The following SLC33A1 variants were observed in gnomAD, a reference collection of about 807,000 sequenced individuals.
SLC33A1 encodes the protein solute carrier family 33 member 1, also known as acetyl-coenzyme A transporter 1.
Under a neutral mutation model 50.0 loss-of-function variants are expected in SLC33A1, and 20 were observed. The ratio of observed to expected loss-of-function variants is 0.40; its 90% CI spans 0.28 to 0.58. The LOEUF (loss-of-function observed/expected upper bound fraction) is 0.58, where lower values mean the gene tolerates loss of function less well. Among genes scored for constraint, SLC33A1 ranks in the 20% least tolerant of loss-of-function variants. The pLI, the probability that SLC33A1 is intolerant of heterozygous loss-of-function variation, is 0.44. For missense variants in SLC33A1, 476 were observed against 657.0 expected (o/e 0.72, Z 3.01); for synonymous variants, 265 against 251.8 (o/e 1.05, Z -0.50).
chr3:155,828,293 C>A lies in SLC33A1; in HGVS notation c.1567G>T (p.Gly523Cys). Residue 523 changes from glycine (G) to cysteine (C), a missense_variant, in exon 6 of 6, where the codon GGT becomes TGT. By Grantham distance (159) the Gly-to-Cys change is radical. Transcript: ENST00000643144. ...TTTGGACCAAGAAAGAACCACCAAC[C>A]AAATCCAATGAAAACACAAATAATG... ...ESIICVFIGF[G>C]WWFFLGPKFK... 6 of 1,607,582 alleles carry A rather than the reference C, an allele frequency of 3.7e-6. No individual in the cohort carries two copies. Among genetic ancestry groups the A allele is most frequent in the Non-Finnish European group, 5.1e-6 (6 of 1,174,216 alleles).
intron 2 of SLC33A1, among the ~76,000 whole-genome samples, chr3:155,841,428 G>A (rs1752933390): frequency 6.6e-6 from 1 of 152,006 alleles, no homozygotes. Context: ...CTTCAAAACT[G>A]TCAAAAGATA....
rs1752101596 is a variant in SLC33A1, at chr3:155,822,052, T to A, written c.*6158A>T. On this transcript the variant is annotated 3_prime_UTR_variant, in exon 6 of 6. Coordinates refer to ENST00000643144, the MANE Select transcript of SLC33A1 (RefSeq NM_004733.4). ...CCTCCCAAACTAATGGGACTACAGG[T>A]GTAAGCCAACACACCTGGTTCAAAT... 6.6e-6 allele frequency: 1 copy of A among 152,016 alleles called. No individual in the cohort carries two copies. Among genetic ancestry groups the A allele is most frequent in the Non-Finnish European group, 1.5e-5 (1 of 68,008 alleles). The allele number at this position is 152,016 out of a possible 1,614,324, so 9.4% of individuals were successfully genotyped here.
intron 1 of SLC33A1, among the ~76,000 whole-genome samples, chr3:155,849,942 TAATAATAATAATAAC>T (rs1239054025): frequency 7.6e-5 from 10 of 131,240 alleles, no homozygotes; most frequent in African/African-American, 2.8e-4. Context: ...ATAATAATAA[TAATAATAATAATAAC>T]AATTCACTGC....
chr3:155,830,954 T>G (rs937395372), intron 4 of SLC33A1, among the ~76,000 whole-genome samples: 5 of 152,088 alleles, frequency 3.3e-5, no homozygotes, highest in Non-Finnish European at 7.4e-5. Flanking sequence ...GAATAGTGTT[T>G]TTGGGGGTGT....
chr3:155,833,475 A>G lies in SLC33A1; in HGVS notation c.1259T>C (p.Leu420Ser). The G allele has an allele frequency of 2.7e-6, 4 of 1,487,784 alleles. No individual in the cohort carries two copies. Among genetic ancestry groups the G allele is most frequent in the Non-Finnish European group, 3.8e-6 (4 of 1,064,756 alleles). The allele number at this position is 1,487,784 out of a possible 1,614,324, so 92.2% of individuals were successfully genotyped here. The stretch of plus-strand genomic sequence containing the variant: ...AAACCACTGCAAGCTTACCTGATGT[A>G]AAGCATAACTCAGCAGGACTACGAT... ...YYIVVLLSYA[L>S]HQVTVYSMYV... The change falls in exon 4 of 6, where the codon TTA becomes TCA. Residue 420 changes from leucine to serine, a missense_variant. Transcript: ENST00000643144.
At chr3:155,852,554 G>A (rs144825253) in intron 1 of SLC33A1, among the ~76,000 whole-genome samples, 1 of 152,286 alleles carries the variant, frequency 6.6e-6, no homozygotes, top group East Asian at 1.9e-4. Flanking sequence ...CTGCCTCAGT[G>A]CACTTTTACT....
rs374301753 is a variant in SLC33A1 at position 155,835,939 on chromosome 3, A to C, written c.964-1898T>G. Among the ~76,000 whole-genome samples the C allele has an allele frequency of 2.6e-5, 4 of 152,054 alleles. No individual in the cohort carries two copies. The East Asian group carries it at 7.7e-4, about 29-fold the overall frequency. On this transcript the variant is annotated intron_variant, in intron 2 of 5. Coordinates refer to ENST00000643144, the MANE Select transcript of SLC33A1 (RefSeq NM_004733.4). The stretch of plus-strand genomic sequence containing the variant: ...GGCTGTGAGACAGCAAACCTCAGGT[A>C]CTACCCTAGACCACAAGGCCACTTC...
Position 155,828,185 on chromosome 3 carries a change from G to T in SLC33A1, c.*25C>A, listed in dbSNP as rs940889994. 14 of 1,534,424 alleles carry T rather than the reference G, an allele frequency of 9.1e-6. No homozygotes were observed. The highest frequency in any genetic ancestry group is 1.3e-5 in the Non-Finnish European group (14 of 1,107,722). On this transcript the variant is annotated 3_prime_UTR_variant, in exon 6 of 6. Transcript: ENST00000643144. The stretch of plus-strand genomic sequence containing the variant: ...ATTAAAACTAAACTACAATTACCTT[G>T]CTAGAATGTCCAGTAGCATATATAT...
chr3:155,853,850 C>A lies in SLC33A1; in HGVS notation c.148G>T (p.Glu50Ter), dbSNP rs1382968940. 6.3e-7 allele frequency: 1 copy of A among 1,593,934 alleles called. No homozygotes were observed. Among genetic ancestry groups the A allele is most frequent in the Non-Finnish European group, 8.6e-7 (1 of 1,169,476 alleles). ...GTGCCGGTATCCCCCAGAAGAGCTT[C>A]TCTGTCCCCTTCCCGGCCCGCTGAG... is the stretch of plus-strand genomic sequence containing the variant. ...LDSAGREGDR[E>*]ALLGDTGTGD... Residue 50 changes from glutamate (E) to a stop codon, truncating the protein, a stop_gained, in exon 1 of 6, where the codon GAA (glutamate) becomes TAA (stop). Coordinates refer to ENST00000643144, the MANE Select transcript of SLC33A1 (RefSeq NM_004733.4). LOFTEE classifies it high-confidence loss of function.
At chr3:155,847,676 A>G (rs1372081593) in intron 1 of SLC33A1, among the ~76,000 whole-genome samples, 1 of 151,920 alleles carries the variant, frequency 6.6e-6, no homozygotes, top group African/African-American at 2.4e-5. Flanking sequence ...TGAACCTGGG[A>G]GGCAGAAGTT....
Position 155,830,304 on chromosome 3 carries a change from C to T in SLC33A1, c.1267-401G>A, listed in dbSNP as rs150967566. Among the ~76,000 whole-genome samples the T allele has an allele frequency of 6.9e-3, 1,043 of 151,606 alleles. 19 individuals carry two copies. The highest frequency in any genetic ancestry group is 0.024 in the African/African-American group (983 of 41,378). ...AGGAGAATGGCGTGAACCCGGGAGG[C>T]GGAGCTTGCAGTGAGCTGAGATCGC... On this transcript the variant is annotated intron_variant, in intron 4 of 5. Coordinates refer to ENST00000643144, the MANE Select transcript of SLC33A1 (RefSeq NM_004733.4).
rs1002539450 is a variant in SLC33A1, at chr3:155,825,083, A to AT, written c.*3126dup. 1.2e-4 allele frequency: 18 copies of AT among 152,134 alleles called. No homozygotes were observed. Among genetic ancestry groups the AT allele is most frequent in the African/African-American group, 4.1e-4 (17 of 41,524 alleles). 9.4% of individuals were successfully genotyped at this position (152,134 alleles called of 1,614,324 possible). On this transcript the variant is annotated 3_prime_UTR_variant, in exon 6 of 6. Coordinates refer to ENST00000643144, the MANE Select transcript of SLC33A1 (RefSeq NM_004733.4). The stretch of plus-strand genomic sequence containing the variant: ...GACCCCACCTCTATAAAAAATTATT[A>AT]TTTTTTATTAGCTGGGCATAGTGCT...
chr3:155,854,006 C>A lies in SLC33A1; in HGVS notation c.-9G>T. On this transcript the variant is annotated 5_prime_UTR_variant, in exon 1 of 6. Coordinates refer to ENST00000643144, the MANE Select transcript of SLC33A1 (RefSeq NM_004733.4). ...GAGATGGTGGGTGACATATCAGAGA[C>A]GATGCAGAGCCCCGTCTGTGGGGGG... 1.3e-6 allele frequency: 2 copies of A among 1,536,716 alleles called. No homozygotes were observed. Among genetic ancestry groups the A allele is most frequent in the Admixed American group, 2.2e-5 (1 of 45,252 alleles).
At chr3:155,828,613 C>T (rs1461789922) in intron 5 of SLC33A1, among the ~76,000 whole-genome samples, 15 of 152,062 alleles carry the variant, frequency 9.9e-5, no homozygotes, top group African/African-American at 3.1e-4. Flanking sequence ...TTTTTTGAGA[C>T]ACGGTCTCAC....
intron 2 of SLC33A1, among the ~76,000 whole-genome samples, chr3:155,837,375 A>C (rs1411884074): frequency 6.6e-6 from 1 of 151,850 alleles, no homozygotes; most frequent in African/African-American, 2.4e-5. Context: ...AAAAAAAAAA[A>C]AGATAATATA....
intron 2 of SLC33A1, 150 bp from the exon 3 acceptor site, chr3:155,834,191 C>T (rs1196163186): frequency 2.2e-5 from 14 of 644,518 alleles, no homozygotes. Flanking sequence ...GTACAACAGT[C>T]AAGTTATACG....
At chr3:155,828,954 G>C (rs1302908952) in intron 5 of SLC33A1, among the ~76,000 whole-genome samples, 3 of 149,222 alleles carry the variant, frequency 2.0e-5, no homozygotes, top group Admixed American at 1.4e-4. Context: ...CCAGGCTGGA[G>C]TACAGGGGCG....
At chr3:155,853,131 AT>A in intron 1 of SLC33A1, 91 bp downstream of exon 1, 1 of 1,183,652 alleles carries the variant, frequency 8.4e-7, no homozygotes, top group South Asian at 1.3e-5. Flanking sequence ...CCATACAATG[AT>A]TTCCAGTAAA....
chr3:155,851,555 CTTA>C (rs1393080523), intron 1 of SLC33A1, among the ~76,000 whole-genome samples: 3 of 146,988 alleles, frequency 2.0e-5, no homozygotes, highest in African/African-American at 7.6e-5. Flanking sequence ...CCAGTCGTGA[CTTA>C]TTTTTTATTT....
Sources: allele counts gnomAD v4.1 joint callset (sites outside exome capture counted in the v4.1 genomes callset), GRCh38; gene constraint gnomAD v4.1.1; transcripts MANE v1.5; gene names NCBI Gene and HGNC (gene_info 2026-07-23, HGNC 2026-07-21).